FAF1: variants seen among roughly 807,000 people sequenced by gnomAD.
FAF1 encodes FAS-associated factor 1.
In FAF1, 25 loss-of-function variants were observed where a neutral mutation model predicts 92.5. The observed-to-expected ratio is 0.27, with a 90% CI of 0.20 to 0.38. The LOEUF (loss-of-function observed/expected upper bound fraction) is 0.38, where lower values mean the gene tolerates loss of function less well. Among genes scored for constraint, FAF1 ranks in the 10% least tolerant of loss-of-function variants. The pLI, the probability that FAF1 is intolerant of heterozygous loss-of-function variation, is 1.00. For missense variants in FAF1, 636 were observed against 793.3 expected (o/e 0.80, Z 2.38); for synonymous variants, 234 against 273.2 (o/e 0.86, Z 1.42).
At chr1:50,723,179 C>A (rs1356013766) in intron 6 of FAF1, among the ~76,000 whole-genome samples, 1 of 151,962 alleles carries the variant, frequency 6.6e-6, no homozygotes, top group African/African-American at 2.4e-5. Flanking sequence ...GATGGGTGGA[C>A]CACCTGAGTT....
At chr1:50,810,438 T>C (rs1193749574) in intron 2 of FAF1, among the ~76,000 whole-genome samples, 1 of 152,068 alleles carries the variant, frequency 6.6e-6, no homozygotes, top group Non-Finnish European at 1.5e-5. Context: ...TTCAAAATAA[T>C]ACAAACCCAT....
intron 15 of FAF1, among the ~76,000 whole-genome samples, chr1:50,528,000 C>G (rs547764938): frequency 6.6e-6 from 1 of 151,842 alleles, no homozygotes; most frequent in East Asian, 1.9e-4. Context: ...CCTCCCGAGT[C>G]GCTGGGACTA....
intron 7 of FAF1, among the ~76,000 whole-genome samples, chr1:50,701,795 G>T (rs1657484606): frequency 1.3e-5 from 2 of 151,956 alleles, no homozygotes; most frequent in Admixed American, 1.3e-4. Context: ...AACTGTAATA[G>T]TACTGAAATG....
chr1:50,949,286 A>G (rs182743567), intron 1 of FAF1, among the ~76,000 whole-genome samples: 3 of 152,370 alleles, frequency 2.0e-5, no homozygotes, highest in Admixed American at 1.3e-4. Context: ...GATGCAAACT[A>G]AAGTTTGAGA....
At chr1:50,805,830 G>A (rs997620318) in intron 2 of FAF1, among the ~76,000 whole-genome samples, 2 of 152,046 alleles carry the variant, frequency 1.3e-5, no homozygotes, top group African/African-American at 4.8e-5. Flanking sequence ...AAGGAGTTGT[G>A]GTAACAATAA....
intron 9 of FAF1, among the ~76,000 whole-genome samples, chr1:50,591,667 C>CAA: frequency 8.9e-6 from 1 of 112,288 alleles, no homozygotes; most frequent in African/African-American, 3.5e-5. Flanking sequence ...AGCGAGACTC[C>CAA]ATCTCAGAAA....
At chr1:50,729,058 A>ATGTATAT (rs1375923156) in intron 6 of FAF1, among the ~76,000 whole-genome samples, 1 of 70,132 alleles carries the variant, frequency 1.4e-5, no homozygotes, top group Non-Finnish European at 2.7e-5. Context: ...ATATATATAT[A>ATGTATAT]TTTTTTTTTT....
chr1:50,459,365 G>A (rs1646397342), intron 18 of FAF1, among the ~76,000 whole-genome samples: 1 of 152,118 alleles, frequency 6.6e-6, no homozygotes, highest in Non-Finnish European at 1.5e-5. Flanking sequence ...ATTTTCTGGT[G>A]TTGAGCCATC....
intron 2 of FAF1, among the ~76,000 whole-genome samples, chr1:50,819,391 G>A (rs1168449683): frequency 6.6e-6 from 1 of 151,280 alleles, no homozygotes; most frequent in East Asian, 1.9e-4. Flanking sequence ...GAGGAAGGGA[G>A]ATCGAGTGAG....
At chr1:50,746,277 TATATATATATATA>T (rs1333747338) in intron 4 of FAF1, among the ~76,000 whole-genome samples, 7 of 19,248 alleles carry the variant, frequency 3.6e-4, no homozygotes, top group African/African-American at 1.5e-3. Flanking sequence ...TATATATATA[TATATATATATATA>T]TATTTTTTTT....
intron 8 of FAF1, among the ~76,000 whole-genome samples, chr1:50,602,460 A>G (rs190961735): frequency 2.0e-5 from 3 of 151,912 alleles, no homozygotes; most frequent in African/African-American, 4.8e-5. Context: ...GGCAGTATTC[A>G]GTGCTATTAA....
intron 18 of FAF1, among the ~76,000 whole-genome samples, chr1:50,470,074 T>TA (rs1262886694): frequency 1.3e-5 from 2 of 152,134 alleles, no homozygotes; most frequent in African/African-American, 2.4e-5. Flanking sequence ...TCTTGTTTTT[T>TA]AAAAAAATAA....
intron 15 of FAF1, among the ~76,000 whole-genome samples, chr1:50,505,528 T>A (rs200445983): frequency 6.6e-6 from 1 of 152,200 alleles, no homozygotes; most frequent in African/African-American, 2.4e-5. Flanking sequence ...GATTCCTTCC[T>A]GAAAGGAGAC....
intron 13 of FAF1, among the ~76,000 whole-genome samples, chr1:50,544,774 G>A (rs938715495): frequency 1.3e-5 from 2 of 152,106 alleles, no homozygotes; most frequent in Non-Finnish European, 2.9e-5. Flanking sequence ...AAAATAGAGT[G>A]GTCAGGGAAA....
chr1:50,779,927 A>G (rs1409289263), intron 4 of FAF1, among the ~76,000 whole-genome samples: 10 of 151,778 alleles, frequency 6.6e-5, no homozygotes, highest in Non-Finnish European at 1.5e-4. Context: ...TTAAAAAAAG[A>G]AAAAGAAAAA....
At chr1:50,938,685 T>C (rs1183511823) in intron 1 of FAF1, among the ~76,000 whole-genome samples, 2 of 152,196 alleles carry the variant, frequency 1.3e-5, no homozygotes, top group Middle Eastern at 3.2e-3. Flanking sequence ...TGGGTTTTCT[T>C]CTACTAGGAT....
At chr1:50,449,048 GC>G (rs1341323312) in intron 18 of FAF1, among the ~76,000 whole-genome samples, 1 of 149,414 alleles carries the variant, frequency 6.7e-6, no homozygotes, top group Non-Finnish European at 1.5e-5. Context: ...GTAACATAAA[GC>G]CACAACAAAG....
chr1:50,783,140 C>T (rs899139870), intron 4 of FAF1, among the ~76,000 whole-genome samples: 2 of 151,970 alleles, frequency 1.3e-5, no homozygotes, highest in Admixed American at 1.3e-4. Flanking sequence ...TAGAAACATA[C>T]AACCTACCAA....
chr1:50,837,380 C>T (rs1644217549), intron 2 of FAF1, among the ~76,000 whole-genome samples: 1 of 152,100 alleles, frequency 6.6e-6, no homozygotes, highest in Non-Finnish European at 1.5e-5. Flanking sequence ...TTTTTGTTTG[C>T]TTTACATGCC....
Sources: gnomAD v4.1 joint callset for allele counts (sites outside exome capture counted in the v4.1 genomes callset) on GRCh38, gnomAD v4.1.1 for gene constraint, MANE v1.5 for transcripts, NCBI Gene and HGNC (gene_info 2026-07-23, HGNC 2026-07-21) for gene names.